KLRC3: variants seen among roughly 807,000 people sequenced by gnomAD.
The protein encoded by KLRC3 is killer cell lectin like receptor C3, also known as NKG2-E type II integral membrane protein.
Under a neutral mutation model 23.6 loss-of-function variants are expected in KLRC3, and 16 were observed. The observed-to-expected ratio is 0.68, with a 90% CI of 0.46 to 1.03. The LOEUF is 1.03. Ranked by LOEUF, KLRC3 falls within the 50% of genes least tolerant of loss-of-function variation. The pLI is 0.00. For missense variants in KLRC3, 209 were observed against 232.2 expected, an observed-to-expected ratio of 0.90 and a Z score of 0.65; for synonymous variants, 70 against 71.8, an observed-to-expected ratio of 0.98 and a Z score of 0.13.
chr12:10,414,702 T>C (rs917728339), intron 6 of KLRC3, among the ~76,000 whole-genome samples: 2 of 150,738 alleles, frequency 1.3e-5, no homozygotes, highest in African/African-American at 4.9e-5. Context: ...ATGGCACATG[T>C]ATACATATGT....
intron 6 of KLRC3, among the ~76,000 whole-genome samples, chr12:10,414,285 T>C (rs1863609963): frequency 6.6e-6 from 1 of 151,522 alleles, no homozygotes; most frequent in Non-Finnish European, 1.5e-5. Context: ...TTCTAAGTAA[T>C]AAAAAATAAA....
intron 6 of KLRC3, among the ~76,000 whole-genome samples, chr12:10,412,875 A>G (rs1309193513): frequency 6.6e-6 from 1 of 152,198 alleles, no homozygotes; most frequent in East Asian, 1.9e-4. Flanking sequence ...TGAACAAGTA[A>G]ACAATCATAA....
chr12:10,418,405 A>G lies in KLRC3; in HGVS notation c.425T>C (p.Leu142Ser), dbSNP rs774513852. ...AGAGTTCTTTGAAGCACAGGCCTGCAAACTCTCTTCCCAAGTTCTTCTTTC... is the reference window on the plus strand; with the variant it reads ...AGAGTTCTTTGAAGCACAGGCCTGCGAACTCTCTTCCCAAGTTCTTCTTTC... ...GKERRTWEES[L>S]QACASKNSSS... The change falls in exon 4 of 7, where the codon TTG (leucine) becomes TCG (serine). Residue 142 changes from leucine to serine, a missense_variant. Leu to Ser is a moderately radical substitution (Grantham distance 145, BLOSUM62 -2). Around this residue, in one of 4 missense-constraint regions of KLRC3, gnomAD observed 109 missense variants for 113.2 expected, o/e 0.96. Coordinates refer to ENST00000396439, the MANE Select transcript of KLRC3 (RefSeq NM_002261.3). 1.5e-5 allele frequency: 24 copies of G among 1,612,088 alleles called. No homozygotes were observed. In the African/African-American group the frequency reaches 2.7e-4, roughly 18 times the overall value.
intron 3 of KLRC3, among the ~76,000 whole-genome samples, chr12:10,418,824 G>A (rs34617941): frequency 6.6e-5 from 10 of 152,102 alleles, no homozygotes; most frequent in African/African-American, 1.7e-4. Flanking sequence ...AGCAGTAGGA[G>A]ACTTCTGTTA....
chr12:10,417,918 T>C (rs1371355233), intron 4 of KLRC3, among the ~76,000 whole-genome samples: 1 of 152,224 alleles, frequency 6.6e-6, no homozygotes, highest in Non-Finnish European at 1.5e-5. Context: ...ACCTTATTTA[T>C]AACTTCAAAA....
intron 5 of KLRC3, 58 bp from the exon 6 acceptor site, chr12:10,415,852 A>G: frequency 1.6e-6 from 2 of 1,257,222 alleles, no homozygotes; most frequent in African/African-American, 1.5e-5. Flanking sequence ...CCCATGAGAC[A>G]AAAGCATTTT....
At chr12:10,414,492 G>C (rs146338304) in intron 6 of KLRC3, among the ~76,000 whole-genome samples, 2,687 of 151,144 alleles carry the variant, frequency 0.018, 61 homozygotes, top group African/African-American at 0.06. Flanking sequence ...TGGATATAAA[G>C]TACTAGCCAG....
chr12:10,415,306 C>G (rs1185255350), intron 6 of KLRC3, among the ~76,000 whole-genome samples: 2 of 152,160 alleles, frequency 1.3e-5, no homozygotes, highest in African/African-American at 2.4e-5. Context: ...GTTTTCATCA[C>G]TGACACAAAG....
chr12:10,415,680 T>C, intron 6 of KLRC3, 24 bp downstream of exon 6: 1 of 1,613,584 alleles, frequency 6.2e-7, no homozygotes, highest in Non-Finnish European at 8.5e-7. Context: ...GCTCAAGCGC[T>C]TTAATTCTAA....
rs1271532620 is a variant in KLRC3, at chr12:10,412,456, G to A, written c.*116C>T. 3.0e-6 allele frequency: 2 copies of A among 673,708 alleles called. No homozygotes were observed. The highest frequency in any genetic ancestry group is 1.8e-5 in the African/African-American group (1 of 54,994). 41.7% of individuals were successfully genotyped at this position (673,708 alleles called of 1,614,324 possible). ...CATCATCTAGTTAAAAATAGGGAGG[G>A]CAGAAAAAGTAGATTTTTAAAACAC... is the stretch of plus-strand genomic sequence containing the variant. On this transcript the variant is annotated 3_prime_UTR_variant, in exon 7 of 7. Transcript: ENST00000396439.
At position 10,412,510 on chromosome 12, in the gene KLRC3, G is replaced by A. The variant is rs1265902777; in HGVS notation, c.*62C>T. ...CTAAATGGTACATGAGCACTCAGGG[G>A]CGGTGGCTTGTGTCAGTAATCCCAG... On this transcript the variant is annotated 3_prime_UTR_variant, in exon 7 of 7. Coordinates refer to ENST00000396439, the MANE Select transcript of KLRC3 (RefSeq NM_002261.3). The A allele has an allele frequency of 2.9e-6, 2 of 701,750 alleles. No homozygotes were observed. The highest frequency in any genetic ancestry group is 5.2e-6 in the Non-Finnish European group (2 of 384,696). The allele number at this position is 701,750 out of a possible 1,614,324, so 43.5% of individuals were successfully genotyped here. A position where few individuals can be genotyped will look rare whatever the true frequency, so the allele number is the denominator to read the frequency against.
At chr12:10,417,433 C>A (rs191562292) in intron 4 of KLRC3, among the ~76,000 whole-genome samples, 1 of 152,102 alleles carries the variant, frequency 6.6e-6, no homozygotes, top group Non-Finnish European at 1.5e-5. Flanking sequence ...GTCCTCCACA[C>A]GACAGAAGAA....
intron 1 of KLRC3, 86 bp downstream of exon 1, chr12:10,420,278 A>G: frequency 7.1e-7 from 1 of 1,402,828 alleles, no homozygotes. Context: ...TCACAAGTGT[A>G]AAATATTCCC....
chr12:10,418,297 C>A (rs1345234954), intron 4 of KLRC3, 47 bp downstream of exon 4: 1 of 1,511,306 alleles, frequency 6.6e-7, no homozygotes, highest in South Asian at 1.2e-5. Context: ...ATGTATTATT[C>A]ACTGAAAGAA....
At chr12:10,414,784 G>T (rs1194734640) in intron 6 of KLRC3, among the ~76,000 whole-genome samples, 1 of 150,780 alleles carries the variant, frequency 6.6e-6, no homozygotes, top group Non-Finnish European at 1.5e-5. Context: ...GAAAAAAAAA[G>T]AAAAAGAAAA....
At chr12:10,418,269 T>G in intron 4 of KLRC3, 75 bp downstream of exon 4, 1 of 1,354,152 alleles carries the variant, frequency 7.4e-7, no homozygotes, top group African/African-American at 1.4e-5. Flanking sequence ...TGTACACACA[T>G]ATGGATGTTT....
Position 10,416,760 on chromosome 12 carries a change from A to C in KLRC3, c.494T>G (p.Leu165Arg). 6.3e-7 allele frequency: 1 copy of C among 1,577,620 alleles called. No homozygotes were observed. Among genetic ancestry groups the C allele is most frequent in the Non-Finnish European group, 8.6e-7 (1 of 1,165,096 alleles). Residue 165 changes from leucine (L) to arginine (R), a missense_variant, in exon 5 of 7, where the codon CTG (leucine) becomes CGG (arginine). Transcript: ENST00000396439. ...CIDNEEEMKF[L>R]ASILPSSWIG... is the part of the protein sequence containing the mutation. ...CCATGAGGAAGGTAAAATGCTGGCC[A>C]GAAATTTCTAAAAGAAAAGAAATAA...
chr12:10,415,126 A>G (rs1485162096), intron 6 of KLRC3, among the ~76,000 whole-genome samples: 1 of 152,224 alleles, frequency 6.6e-6, no homozygotes, highest in Non-Finnish European at 1.5e-5. Flanking sequence ...TACTTTAGAG[A>G]TTAAATGCAG....
In KLRC3 at chr12:10,415,650, T is replaced by TAA. The variant is rs764651007; in HGVS notation, c.678+53_678+54insTT. ...CATTTCTGTTTGAACAAATATAAAA[T>TAA]TTTATCTGATGCACTGCAAGCTCAA... On this transcript the variant is annotated intron_variant, in intron 6 of 6. Coordinates refer to ENST00000396439, the MANE Select transcript of KLRC3 (RefSeq NM_002261.3). 4,071 of 1,608,500 alleles carry TAA rather than the reference T, an allele frequency of 2.5e-3. 86 individuals are homozygous for TAA. In the African/African-American group the frequency reaches 0.049, roughly 19 times the overall value.
Sources: gnomAD v4.1 joint callset for allele counts (sites outside exome capture counted in the v4.1 genomes callset) on GRCh38, gnomAD v4.1.1 for gene constraint, gnomAD v4.1.1 regional missense constraint, MANE v1.5 for transcripts, NCBI Gene and HGNC (gene_info 2026-07-23, HGNC 2026-07-21) for gene names.